EBF1: variants seen among roughly 807,000 people sequenced by gnomAD.
EBF1 encodes the protein EBF transcription factor 1, also known as transcription factor COE1.
In EBF1, 10 loss-of-function variants were observed where a neutral mutation model predicts 68.4. The ratio of observed to expected loss-of-function variants is 0.15; its 90% CI spans 0.09 to 0.25. The LOEUF is 0.25. Among genes scored for constraint, EBF1 ranks in the 10% least tolerant of loss-of-function variants. The pLI, the probability that EBF1 is intolerant of heterozygous loss-of-function variation, is 1.00. For missense variants in EBF1, 509 were observed against 794.4 expected (o/e 0.64, Z 4.32); for synonymous variants, 298 against 299.8 (o/e 0.99, Z 0.06).
intron 6 of EBF1, among the ~76,000 whole-genome samples, chr5:158,924,830 G>A (rs1373694963): frequency 1.6e-5 from 2 of 124,098 alleles, no homozygotes; most frequent in Admixed American, 1.0e-4. Context: ...TCCAGCCTGG[G>A]CAACAGAGCG....
intron 6 of EBF1, among the ~76,000 whole-genome samples, chr5:158,990,054 G>C (rs752244882): frequency 6.6e-6 from 1 of 152,164 alleles, no homozygotes; most frequent in Non-Finnish European, 1.5e-5. Context: ...ATTAAGAGAC[G>C]GATCAGGAAG....
At chr5:158,750,603 T>A (rs1220606770) in intron 10 of EBF1, among the ~76,000 whole-genome samples, 1 of 152,268 alleles carries the variant, frequency 6.6e-6, no homozygotes. Flanking sequence ...ATTCTCACTT[T>A]ACGGCTAGAT....
At position 158,796,364 on chromosome 5, in the gene EBF1, G is replaced by T; in HGVS notation, c.890C>A (p.Thr297Asn). The change falls in exon 9 of 16, where the codon ACC (threonine) becomes AAC (asparagine). Residue 297 changes from threonine (T) to asparagine (N), a missense_variant. By Grantham distance (65) the Thr-to-Asn change is moderately conservative. Transcript: ENST00000313708. ...FFDGLQVIFGTMLVWSELITP... is the reference protein window; with the variant it reads ...FFDGLQVIFGNMLVWSELITP... ...ACCTACCTCACTCCAGACCAGCATG[G>T]TACCGAATATGACCTGTAACCCATC... The T allele has an allele frequency of 6.2e-7, 1 of 1,613,018 alleles. No individual in the cohort carries two copies. Among genetic ancestry groups the T allele is most frequent in the Non-Finnish European group, 8.5e-7 (1 of 1,179,398 alleles).
intron 10 of EBF1, among the ~76,000 whole-genome samples, chr5:158,743,685 T>C (rs1414754835): frequency 6.6e-6 from 1 of 152,172 alleles, no homozygotes; most frequent in Non-Finnish European, 1.5e-5. Flanking sequence ...ACATGCCAGA[T>C]GTAAGGCAAT....
intron 6 of EBF1, among the ~76,000 whole-genome samples, chr5:158,843,237 G>T (rs1790685577): frequency 6.6e-6 from 1 of 152,176 alleles, no homozygotes. Flanking sequence ...GATTCAGGTT[G>T]TGCTAGAAGG....
At chr5:158,825,238 C>A (rs1785804568) in intron 7 of EBF1, among the ~76,000 whole-genome samples, 3 of 152,216 alleles carry the variant, frequency 2.0e-5, no homozygotes, top group Non-Finnish European at 2.9e-5. Flanking sequence ...CAAAAACTAT[C>A]ATATGCAGTG....
intron 6 of EBF1, among the ~76,000 whole-genome samples, chr5:158,937,148 C>G (rs1812193243): frequency 1.3e-5 from 2 of 151,872 alleles, no homozygotes; most frequent in Non-Finnish European, 2.9e-5. Context: ...GGTGGGGGTA[C>G]TTTTCCTTGC....
intron 4 of EBF1, 87 bp from the exon 5 acceptor site, chr5:159,084,826 A>C: frequency 8.1e-7 from 1 of 1,229,972 alleles, no homozygotes; most frequent in Non-Finnish European, 1.1e-6. Context: ...TAACCACTTC[A>C]CCACTACTGA....
intron 6 of EBF1, among the ~76,000 whole-genome samples, chr5:158,906,567 G>A (rs1368365767): frequency 6.6e-6 from 1 of 152,180 alleles, no homozygotes; most frequent in Admixed American, 6.5e-5. Context: ...TACTCACCAC[G>A]AAGCAGAGGC....
intron 6 of EBF1, among the ~76,000 whole-genome samples, chr5:158,843,143 AG>A (rs1036933806): frequency 6.6e-6 from 1 of 152,138 alleles, no homozygotes; most frequent in African/African-American, 2.4e-5. Context: ...CTCCCTTAAG[AG>A]GGCCCCCTGC....
At chr5:158,757,349 G>C (rs1021165445) in intron 10 of EBF1, among the ~76,000 whole-genome samples, 2 of 152,134 alleles carry the variant, frequency 1.3e-5, no homozygotes, top group Non-Finnish European at 2.9e-5. Context: ...ACTGCATCAA[G>C]TCAGACTTTA....
intron 4 of EBF1, among the ~76,000 whole-genome samples, chr5:159,086,308 C>T (rs184978340): frequency 1.2e-4 from 19 of 152,228 alleles, no homozygotes; most frequent in Non-Finnish European, 2.6e-4. Flanking sequence ...AATTCTCTTA[C>T]ATAACCACAG....
chr5:158,872,996 A>ATTT (rs539493620), intron 6 of EBF1, among the ~76,000 whole-genome samples: 2,421 of 81,078 alleles, frequency 0.03, 303 homozygotes, highest in African/African-American at 0.035. Context: ...AATGACACTA[A>ATTT]TTTTTTTTTT....
intron 10 of EBF1, among the ~76,000 whole-genome samples, chr5:158,750,530 G>C (rs2127590621): frequency 6.6e-6 from 1 of 152,160 alleles, no homozygotes; most frequent in East Asian, 1.9e-4. Context: ...GAGACTGATA[G>C]ATTAAATACT....
intron 6 of EBF1, among the ~76,000 whole-genome samples, chr5:159,057,980 G>C (rs755614035): frequency 2.0e-5 from 3 of 152,208 alleles, no homozygotes; most frequent in Non-Finnish European, 4.4e-5. Context: ...GTATGTGAAT[G>C]ATAGAATTAA....
intron 5 of EBF1, among the ~76,000 whole-genome samples, chr5:159,082,400 G>GGA (rs1403072577): frequency 6.6e-6 from 1 of 152,186 alleles, no homozygotes; most frequent in Non-Finnish European, 1.5e-5. Context: ...TTCATCTTGG[G>GGA]GAGAGCAAGC....
intron 10 of EBF1, among the ~76,000 whole-genome samples, chr5:158,736,050 C>G (rs1765109170): frequency 1.3e-5 from 2 of 152,182 alleles, no homozygotes; most frequent in South Asian, 4.1e-4. Context: ...TGAGTGAATT[C>G]TAACCAAATA....
At chr5:158,862,844 T>C (rs1340372795) in intron 6 of EBF1, among the ~76,000 whole-genome samples, 1 of 152,234 alleles carries the variant, frequency 6.6e-6, no homozygotes, top group Non-Finnish European at 1.5e-5. Flanking sequence ...AAATTATACC[T>C]GGAAATTGTT....
At chr5:159,052,305 G>A (rs6862919) in intron 6 of EBF1, among the ~76,000 whole-genome samples, 2,382 of 145,254 alleles carry the variant, frequency 0.016, 53 homozygotes, top group African/African-American at 0.057. Flanking sequence ...AACACTACAC[G>A]TGAAAACTAT....
Sources: allele counts gnomAD v4.1 joint callset (sites outside exome capture counted in the v4.1 genomes callset), GRCh38; gene constraint gnomAD v4.1.1; transcripts MANE v1.5; gene names NCBI Gene and HGNC (gene_info 2026-07-23, HGNC 2026-07-21).